The following ZNF33B variants were observed in gnomAD, a reference collection of about 807,000 sequenced individuals.
ZNF33B encodes the protein zinc finger protein 33B.
Under a neutral mutation model 45.8 loss-of-function variants are expected in ZNF33B, and 29 were observed. The ratio of observed to expected loss-of-function variants is 0.63; its 90% confidence interval spans 0.47 to 0.86. The LOEUF (loss-of-function observed/expected upper bound fraction) is 0.86, where lower values mean the gene tolerates loss of function less well. Among genes scored for constraint, ZNF33B ranks in the 40% least tolerant of loss-of-function variants. The probability of loss-of-function intolerance (pLI) is 0.00; values close to 1 mark genes in which losing one functional copy is unlikely to be tolerated. For synonymous variants in ZNF33B, 305 were observed against 307.8 expected (o/e 0.99, Z 0.10); for missense variants, 831 against 909.9 (o/e 0.91, Z 1.12).
At chr10:42,633,966 A>T (rs1839170989) in intron 2 of ZNF33B, among the ~76,000 whole-genome samples, 1 of 36,804 alleles carries the variant, frequency 2.7e-5, no homozygotes, top group African/African-American at 1.2e-4. Flanking sequence ...GCAAAACTCC[A>T]TCTCAAAAAA....
In ZNF33B at chr10:42,592,791, G is replaced by T; in HGVS notation, c.2159C>A (p.Ser720Tyr). 2.5e-6 allele frequency: 4 copies of T among 1,614,104 alleles called. No individual in the cohort carries two copies. The South Asian group carries it at 4.4e-5, about 18-fold the overall frequency. ...VHHRAHTGEK[S>Y]CQCNECGKIF... ...TTTTCCACATTCATTACACTGACAAGATTTCTCTCCTGTGTGAGCCCTGTG... is the reference window on the plus strand; with the variant it reads ...TTTTCCACATTCATTACACTGACAATATTTCTCTCCTGTGTGAGCCCTGTG... The change falls in exon 5 of 5, where the codon TCT (serine) becomes TAT (tyrosine). Residue 720 changes from serine to tyrosine, a missense_variant. Ser to Tyr is a moderately radical substitution (Grantham distance 144). Transcript: ENST00000359467.
intron 4 of ZNF33B, among the ~76,000 whole-genome samples, chr10:42,602,358 AT>A (rs1479093518): frequency 1.3e-5 from 2 of 151,310 alleles, no homozygotes; most frequent in Non-Finnish European, 2.9e-5. Flanking sequence ...TTTAGAACAT[AT>A]GGAACCAAAT....
At chr10:42,577,339 C>A in intron 1 of ZNF33B, among the ~76,000 whole-genome samples, 1 of 152,126 alleles carries the variant, frequency 6.6e-6, no homozygotes, top group East Asian at 1.9e-4. Flanking sequence ...AACATCCTCA[C>A]CCTCTCCCAT....
At position 42,593,420 on chromosome 10, in the gene ZNF33B, T is replaced by C; in HGVS notation, c.1530A>G (p.Ser510=). The C allele has an allele frequency of 6.2e-7, 1 of 1,614,068 alleles. No homozygotes were observed. Among genetic ancestry groups the C allele is most frequent in the Non-Finnish European group, 8.5e-7 (1 of 1,179,984 alleles). Residue 510 remains serine (S), a synonymous_variant, in exon 5 of 5, where the codon TCA becomes TCG. Coordinates refer to ENST00000359467, the MANE Select transcript of ZNF33B (RefSeq NM_006955.3). The part of the protein sequence containing the change: ...NACGKTFYHK[S]VLTRHQIIHT... The stretch of plus-strand genomic sequence containing the variant: ...GAATTATCTGATGCCTGGTGAGTAC[T>C]GACTTGTGGTAGAAAGTTTTCCCAC...
chr10:42,610,003 GA>G (rs767801249), intron 4 of ZNF33B, among the ~76,000 whole-genome samples: 14 of 151,858 alleles, frequency 9.2e-5, no homozygotes, highest in Non-Finnish European at 1.8e-4. Context: ...ACAAAAACAA[GA>G]TAAGAATGCC....
intron 4 of ZNF33B, among the ~76,000 whole-genome samples, chr10:42,600,195 G>T (rs1837561397): frequency 6.6e-6 from 1 of 152,128 alleles, no homozygotes; most frequent in African/African-American, 2.4e-5. Context: ...GTGTGCAGAA[G>T]AATATTTTAT....
At chr10:42,637,430 C>A (rs147266607) in intron 1 of ZNF33B, among the ~76,000 whole-genome samples, 1 of 152,092 alleles carries the variant, frequency 6.6e-6, no homozygotes, top group African/African-American at 2.4e-5. Context: ...AAGAAAAAAT[C>A]CGTTTTAATT....
intron 4 of ZNF33B, among the ~76,000 whole-genome samples, chr10:42,596,000 G>T (rs1686450746): frequency 6.6e-6 from 1 of 151,772 alleles, no homozygotes; most frequent in Non-Finnish European, 1.5e-5. Flanking sequence ...AAAAAGAGAA[G>T]AAACAATAAT....
At chr10:42,634,092 G>A (rs1346020497) in intron 2 of ZNF33B, among the ~76,000 whole-genome samples, 1 of 152,050 alleles carries the variant, frequency 6.6e-6, no homozygotes, top group African/African-American at 2.4e-5. Context: ...CAGAAAACTG[G>A]GGAAAGAAAA....
At chr10:42,609,756 T>C (rs1208672638) in intron 4 of ZNF33B, among the ~76,000 whole-genome samples, 1 of 152,226 alleles carries the variant, frequency 6.6e-6, no homozygotes, top group Non-Finnish European at 1.5e-5. Context: ...AAGTTTGGTT[T>C]ATCATTTGAA....
downstream of ZNF33B, among the ~76,000 whole-genome samples, chr10:42,586,143 TC>T (rs1836930802): frequency 6.9e-6 from 1 of 144,648 alleles, no homozygotes; most frequent in South Asian, 2.1e-4. Flanking sequence ...AGGATAATTT[TC>T]CTCAGATTTT....
At chr10:42,618,973 A>G (rs1485905390) in intron 4 of ZNF33B, among the ~76,000 whole-genome samples, 1 of 152,142 alleles carries the variant, frequency 6.6e-6, no homozygotes, top group Non-Finnish European at 1.5e-5. Context: ...GCCTATTGAT[A>G]GTCCTGTGCA....
intron 2 of ZNF33B, chr10:42,636,691 G>C: frequency 1.8e-6 from 1 of 570,002 alleles, no homozygotes; most frequent in South Asian, 2.2e-5. Flanking sequence ...GTGGCGGCCT[G>C]CGCCTGTAGT....
At chr10:42,595,421 A>G (rs210279) in intron 4 of ZNF33B, among the ~76,000 whole-genome samples, 46,495 of 152,022 alleles carry the variant, frequency 0.31, 8,037 homozygotes, top group East Asian at 0.45. Flanking sequence ...TGTAAAGAGG[A>G]CAGAGTAATC....
Position 42,631,014 on chromosome 10 carries a change from T to C in ZNF33B, c.250+915A>G, listed in dbSNP as rs1839027169. ...CTGCTGAAAAGAGGCAGAATCCTCA[T>C]GGCTCACACAGTCATTTCATTCAAA... is the stretch of plus-strand genomic sequence containing the variant. On this transcript the variant is annotated intron_variant, in intron 4 of 4. Transcript: ENST00000359467. Among the ~76,000 whole-genome samples, 3 of 152,164 alleles carry C rather than the reference T, an allele frequency of 2.0e-5. No homozygotes were observed. In the South Asian group the frequency reaches 6.2e-4, roughly 32 times the overall value.
chr10:42,595,589 A>C (rs1837363357), intron 4 of ZNF33B, among the ~76,000 whole-genome samples: 1 of 152,156 alleles, frequency 6.6e-6, no homozygotes, highest in South Asian at 2.1e-4. Context: ...GACTTTAAGG[A>C]GATTAACTAA....
In ZNF33B at chr10:42,592,700, T is replaced by C. The variant is rs1837184040; in HGVS notation, c.2250A>G (p.Glu750=). The C allele has an allele frequency of 6.2e-7, 1 of 1,614,126 alleles. No homozygotes were observed. The highest frequency in any genetic ancestry group is 1.3e-5 in the African/African-American group (1 of 75,048). ...QRSHTGEKPY[E]CNTCRKTFSQ... ...AGAAGGTTTTCCTGCATGTGTTACA[T>C]TCATAGGGCTTTTCCCCTGTATGTG... Residue 750 remains glutamate, a synonymous_variant, in exon 5 of 5, where the codon GAA becomes GAG. Transcript: ENST00000359467.
Position 42,604,750 on chromosome 10 carries a change from C to G in ZNF33B, c.251-10051G>C, listed in dbSNP as rs549771621. Among the ~76,000 whole-genome samples, 99 of 152,012 alleles carry G rather than the reference C, an allele frequency of 6.5e-4. 2 individuals are homozygous for G. The highest frequency in any genetic ancestry group is 2.2e-3 in the African/African-American group (93 of 41,490). Reference sequence around the variant, plus strand: ...CCAACATGGTGAAACCCCGGGGTCTCTACTAAAAATACAAAAAAGTTAGCT... The same window carrying G: ...CCAACATGGTGAAACCCCGGGGTCTGTACTAAAAATACAAAAAAGTTAGCT... On this transcript the variant is annotated intron_variant, in intron 4 of 4. Coordinates refer to ENST00000359467, the MANE Select transcript of ZNF33B (RefSeq NM_006955.3).
rs761961685 is a variant in ZNF33B, at chr10:42,593,128, G to A, written c.1822C>T (p.Pro608Ser). ...KHNRTHTGEK[P>S]YECNECGKTF... ...TTTCCACATTCATTACATTCATAGGGTTTCTCCCCTGTATGTGTTCTATTA... is the reference window on the plus strand; with the variant it reads ...TTTCCACATTCATTACATTCATAGGATTTCTCCCCTGTATGTGTTCTATTA... Residue 608 changes from proline to serine, a missense_variant, in exon 5 of 5, where the codon CCC becomes TCC. Physicochemically the swap from Pro to Ser is moderately conservative, Grantham distance 74 (BLOSUM62 -1). Coordinates refer to ENST00000359467, the MANE Select transcript of ZNF33B (RefSeq NM_006955.3). 6.2e-7 allele frequency: 1 copy of A among 1,613,276 alleles called. No homozygotes were observed. Among genetic ancestry groups the A allele is most frequent in the Non-Finnish European group, 8.5e-7 (1 of 1,179,854 alleles).
Sources: gnomAD v4.1 joint callset for allele counts (sites outside exome capture counted in the v4.1 genomes callset) on GRCh38, gnomAD v4.1.1 for gene constraint, MANE v1.5 for transcripts, NCBI Gene and HGNC (gene_info 2026-07-23, HGNC 2026-07-21) for gene names.